The following PEX11G variants were observed in gnomAD, a reference collection of about 807,000 sequenced individuals.
PEX11G encodes the protein peroxisomal biogenesis factor 11 gamma, also known as peroxisomal membrane protein 11C.
In PEX11G, 20 loss-of-function variants were observed where a neutral mutation model predicts 22.5. That is an observed-to-expected ratio of 0.89 (90% CI 0.62 to 1.29). PEX11G has a LOEUF of 1.29. PEX11G is among the 50% of genes most tolerant of loss of function. The probability of loss-of-function intolerance (pLI) is 0.00; values close to 1 mark genes in which losing one functional copy is unlikely to be tolerated. For missense variants in PEX11G, 347 were observed against 331.3 expected, an observed-to-expected ratio of 1.05 and a Z score of -0.37; for synonymous variants, 141 against 154.5, an observed-to-expected ratio of 0.91 and a Z score of 0.65.
At chr19:7,494,341 G>A (rs560518659) in intron 1 of PEX11G, among the ~76,000 whole-genome samples, 15 of 152,196 alleles carry the variant, frequency 9.9e-5, no homozygotes, top group Non-Finnish European at 1.6e-4. Flanking sequence ...GCAGTGAACC[G>A]AGATCACGCC....
chr19:7,489,318 T>G, upstream of PEX11G: 1 of 1,157,108 alleles, frequency 8.6e-7, no homozygotes, highest in Non-Finnish European at 1.1e-6. Flanking sequence ...ACCCACACGC[T>G]CCAAAAATAT....
rs370555866 is a variant in PEX11G at position 7,480,712 on chromosome 19, C to T, written c.428+1321G>A. ...CAAGAACTACTGAGAGTCAGAGCCTCGACCAGGGACAAGCAAAGCTTCCCC... is the reference window on the plus strand; with the variant it reads ...CAAGAACTACTGAGAGTCAGAGCCTTGACCAGGGACAAGCAAAGCTTCCCC... On this transcript the variant is annotated intron_variant, in intron 3 of 4. Transcript: ENST00000221480. 3.9e-4 allele frequency among the ~76,000 whole-genome samples: 59 copies of T among 152,236 alleles called. No homozygotes were observed. In the East Asian group the frequency reaches 6.0e-3, roughly 15 times the overall value.
At chr19:7,487,011 C>G (rs968387606) in intron 1 of PEX11G, among the ~76,000 whole-genome samples, 3 of 150,702 alleles carry the variant, frequency 2.0e-5, no homozygotes, top group African/African-American at 7.3e-5. Flanking sequence ...CGTGCTACTA[C>G]ACTCCAGCCT....
intron 1 of PEX11G, among the ~76,000 whole-genome samples, chr19:7,494,852 A>G (rs1282256199): frequency 6.6e-6 from 1 of 152,210 alleles, no homozygotes; most frequent in Non-Finnish European, 1.5e-5. Context: ...GTCTGAACAC[A>G]GGCAAAACAC....
At chr19:7,484,373 A>G (rs982278483) in intron 2 of PEX11G, among the ~76,000 whole-genome samples, 3 of 151,220 alleles carry the variant, frequency 2.0e-5, no homozygotes, top group Non-Finnish European at 4.4e-5. Flanking sequence ...AGAAAGATAA[A>G]GAAATGATGC....
intron 4 of PEX11G, among the ~76,000 whole-genome samples, 170 bp from the exon 5 acceptor site, chr19:7,477,606 A>AC (rs552939029): frequency 5.3e-5 from 8 of 150,490 alleles, no homozygotes; most frequent in East Asian, 3.9e-4. Flanking sequence ...AGTCCCCATC[A>AC]CCCCCCCGAC....
chr19:7,477,429 G>T lies in PEX11G; in HGVS notation c.499C>A (p.Pro167Thr). The T allele has an allele frequency of 6.9e-7, 1 of 1,446,614 alleles. No individual in the cohort carries two copies. Among genetic ancestry groups the T allele is most frequent in the Non-Finnish European group, 9.1e-7 (1 of 1,104,260 alleles). The allele number at this position is 1,446,614 out of a possible 1,614,324, so 89.6% of individuals were successfully genotyped here. A position where few individuals can be genotyped will look rare whatever the true frequency, so the allele number is the denominator to read the frequency against. Residue 167 changes from proline (P) to threonine (T), a missense_variant, in exon 5 of 5, where the codon CCC (proline) becomes ACC (threonine). Coordinates refer to ENST00000221480, the MANE Select transcript of PEX11G (RefSeq NM_080662.4). ...TCCATGGCCCTCCGCTTGCCCCGGG[G>T]CAGCGGGCTGTGGGGCAGAGAGGGG... ...SPTAPFTSPL[P>T]RGKRRAMEAQ...
At position 7,476,968 on chromosome 19, in the gene PEX11G, A is replaced by T; in HGVS notation, c.*234T>A. The T allele has an allele frequency of 4.8e-6, 2 of 412,926 alleles. No homozygotes were observed. Among genetic ancestry groups the T allele is most frequent in the Non-Finnish European group, 4.3e-6 (1 of 234,628 alleles). 25.6% of individuals were successfully genotyped at this position (412,926 alleles called of 1,614,324 possible). A position where few individuals can be genotyped will look rare whatever the true frequency, so the allele number is the denominator to read the frequency against. ...CATCTTGATTTGGATACAAGACGCC[A>T]GCTGGCAGGCAGGAGGTGCTGCTGA... On this transcript the variant is annotated 3_prime_UTR_variant, in exon 5 of 5. Transcript: ENST00000221480.
At chr19:7,478,208 A>G in intron 4 of PEX11G, 106 bp downstream of exon 4, 1 of 1,240,602 alleles carries the variant, frequency 8.1e-7, no homozygotes, top group Non-Finnish European at 1.1e-6. Context: ...CCATGACCTG[A>G]GCACAACAGT....
intron 3 of PEX11G, among the ~76,000 whole-genome samples, chr19:7,478,897 T>C (rs1977363054): frequency 6.6e-6 from 1 of 152,158 alleles, no homozygotes; most frequent in Non-Finnish European, 1.5e-5. Flanking sequence ...GGCTGGCATC[T>C]GCAGGCTGAG....
rs1452258840 is a variant in PEX11G at position 7,482,062 on chromosome 19, C to T, written c.399G>A (p.Trp133Ter). ...SRWWTLSTTL[W>*]ALSLLLGVAR... ...CAACCCCCAGGAGCAGAGAGAGGGC[C>T]CACAGGGTTGTACTCAGCGTCCACC... The change falls in exon 3 of 5, where the codon TGG becomes TGA. Residue 133 changes from tryptophan (W) to a stop codon, truncating the protein, a stop_gained. Coordinates refer to ENST00000221480, the MANE Select transcript of PEX11G (RefSeq NM_080662.4). LOFTEE classifies it high-confidence loss of function. The T allele has an allele frequency of 3.7e-6, 6 of 1,605,084 alleles. No individual in the cohort carries two copies. The highest frequency in any genetic ancestry group is 1.7e-5 in the Admixed American group (1 of 58,834).
upstream of PEX11G, among the ~76,000 whole-genome samples, chr19:7,493,294 G>A: frequency 6.7e-6 from 1 of 149,084 alleles, no homozygotes; most frequent in East Asian, 2.0e-4. Flanking sequence ...CCGGGTTCAA[G>A]CAATTCTCCT....
In PEX11G at chr19:7,478,321, A is replaced by G; in HGVS notation, c.484T>C (p.Phe162Leu). 6.2e-7 allele frequency: 1 copy of G among 1,611,022 alleles called. No individual in the cohort carries two copies. The highest frequency in any genetic ancestry group is 1.3e-5 in the African/African-American group (1 of 75,002). Residue 162 changes from phenylalanine (F) to leucine (L), a missense_variant, in exon 4 of 5, where the codon TTC (phenylalanine) becomes CTC (leucine). Coordinates refer to ENST00000221480, the MANE Select transcript of PEX11G (RefSeq NM_080662.4). ...RQRLRSPTAP[F>L]TSPLPRGKRR... ...GTGATCACGGGCTCCTACCTGGTGA[A>G]GGGCGCCGTGGGGCTCCGCAGCCTC...
chr19:7,478,250 G>A (rs1977323312), intron 4 of PEX11G, 64 bp downstream of exon 4: 6 of 1,550,308 alleles, frequency 3.9e-6, no homozygotes, highest in South Asian at 1.2e-5. Context: ...GGGTGGCTGC[G>A]AGCCGGGATC....
chr19:7,490,733 C>A (rs1446521656), upstream of PEX11G, among the ~76,000 whole-genome samples: 1 of 135,846 alleles, frequency 7.4e-6, no homozygotes, highest in Non-Finnish European at 1.5e-5. Context: ...CACTTGTGTG[C>A]TCTCTGGGCC....
upstream of PEX11G, among the ~76,000 whole-genome samples, chr19:7,490,202 T>G (rs1405000990): frequency 1.3e-5 from 2 of 152,084 alleles, no homozygotes; most frequent in Non-Finnish European, 2.9e-5. Flanking sequence ...AAAAATTTGC[T>G]GCTATATGTT....
At chr19:7,492,069 G>A (rs537133725), upstream of PEX11G, among the ~76,000 whole-genome samples, 3 of 152,124 alleles carry the variant, frequency 2.0e-5, no homozygotes, top group Non-Finnish European at 4.4e-5. Context: ...GTTTATCCAC[G>A]TATCAGCTGA....
chr19:7,488,968 T>C lies in PEX11G; in HGVS notation c.43A>G (p.Arg15Gly), dbSNP rs1460582215. The C allele has an allele frequency of 1.3e-6, 2 of 1,555,398 alleles. No individual in the cohort carries two copies. The highest frequency in any genetic ancestry group is 1.4e-5 in the African/African-American group (1 of 72,638). ...SGLASALESY[R>G]GRDRLIRVLG... ...TGCCTCACCAGGCGGTCCCGGCCCC[T>C]GTACGACTCCAGCGCCGACGCCAGG... Residue 15 changes from arginine to glycine, a missense_variant, in exon 1 of 5, where the codon AGG (arginine) becomes GGG (glycine). Transcript: ENST00000221480.
upstream of PEX11G, chr19:7,489,145 C>A: frequency 8.3e-7 from 1 of 1,210,602 alleles, no homozygotes; most frequent in Non-Finnish European, 1.1e-6. Flanking sequence ...GGCTTTTTGT[C>A]CGCTGTAGGG....
Sources: gnomAD v4.1 joint callset for allele counts (sites outside exome capture counted in the v4.1 genomes callset) on GRCh38, gnomAD v4.1.1 for gene constraint, MANE v1.5 for transcripts, NCBI Gene and HGNC (gene_info 2026-07-23, HGNC 2026-07-21) for gene names.